Variants in ANK3 observed in about 807,000 individuals in gnomAD.
ANK3 encodes ankyrin-3.
Under a neutral mutation model 370.9 loss-of-function variants are expected in ANK3, and 57 were observed. The ratio of observed to expected loss-of-function variants is 0.15; its 90% CI spans 0.12 to 0.19. The LOEUF (loss-of-function observed/expected upper bound fraction) is 0.19, where lower values mean the gene tolerates loss of function less well. Ranked by LOEUF, ANK3 falls within the 10% of genes least tolerant of loss-of-function variation. The pLI is 1.00. For synonymous variants in ANK3, 1,929 were observed against 1,946.3 expected (o/e 0.99, Z 0.23); for missense variants, 4,439 against 5,302.1 (o/e 0.84, Z 5.06).
chr10:60,698,448 C>T (rs374630534), intron 1 of ANK3, among the ~76,000 whole-genome samples: 2 of 151,500 alleles, frequency 1.3e-5, no homozygotes, highest in African/African-American at 4.9e-5. Flanking sequence ...AAGACACATG[C>T]ACACGTATGT....
At chr10:60,231,954 G>C (rs1332592077) in intron 8 of ANK3, among the ~76,000 whole-genome samples, 1 of 152,108 alleles carries the variant, frequency 6.6e-6, no homozygotes, top group Non-Finnish European at 1.5e-5. Context: ...ACAGCCCTTC[G>C]GAACAGGGAG....
At chr10:60,425,812 C>A (rs897367545) in intron 2 of ANK3, among the ~76,000 whole-genome samples, 1 of 152,010 alleles carries the variant, frequency 6.6e-6, no homozygotes, top group Non-Finnish European at 1.5e-5. Context: ...TAGAGATAAC[C>A]AAGGGGTAAG....
At chr10:60,038,085 C>T (rs11599479) in intron 43 of ANK3, among the ~76,000 whole-genome samples, 1,664 of 151,760 alleles carry the variant, frequency 0.011, 20 homozygotes, top group Non-Finnish European at 0.018. Context: ...TGGCCACATG[C>T]CTGTCTTCTT....
intron 1 of ANK3, among the ~76,000 whole-genome samples, chr10:60,711,750 C>A (rs919236579): frequency 1.3e-5 from 2 of 151,874 alleles, no homozygotes; most frequent in African/African-American, 4.8e-5. Flanking sequence ...AGAATAGATA[C>A]CAAAAAATCT....
intron 18 of ANK3, among the ~76,000 whole-genome samples, chr10:60,175,886 T>C (rs1490013688): frequency 4.6e-5 from 7 of 152,238 alleles, no homozygotes; most frequent in Non-Finnish European, 1.0e-4. Flanking sequence ...ACCAAAGTCA[T>C]TGTGTTGTCA....
At chr10:60,137,402 G>C (rs773301785) in intron 24 of ANK3, 3 of 184,650 alleles carry the variant, frequency 1.6e-5, no homozygotes, top group East Asian at 1.4e-4. Context: ...ACAAGAAATA[G>C]AAAGCAAAAA....
intron 2 of ANK3, among the ~76,000 whole-genome samples, chr10:60,430,187 C>T (rs1050227612): frequency 3.3e-5 from 5 of 152,148 alleles, no homozygotes; most frequent in African/African-American, 1.2e-4. Flanking sequence ...GGCTCATAGG[C>T]TTGGAAGTCT....
chr10:60,048,130 T>C (rs2077250042), intron 42 of ANK3, among the ~76,000 whole-genome samples: 1 of 152,230 alleles, frequency 6.6e-6, no homozygotes. Flanking sequence ...ATGCTTAGCA[T>C]ACATACTGCT....
chr10:60,172,725 A>ATC (rs769225666), intron 20 of ANK3, among the ~76,000 whole-genome samples, 175 bp downstream of exon 20: 1 of 151,806 alleles, frequency 6.6e-6, no homozygotes, highest in South Asian at 2.1e-4. Flanking sequence ...AACACTAATC[A>ATC]TCTCTCTCTC....
intron 2 of ANK3, among the ~76,000 whole-genome samples, chr10:60,587,114 G>T (rs1377849317): frequency 6.6e-6 from 1 of 152,130 alleles, no homozygotes; most frequent in African/African-American, 2.4e-5. Flanking sequence ...TCTTCACATG[G>T]CAGCAAGAGA....
intron 2 of ANK3, among the ~76,000 whole-genome samples, chr10:60,600,617 T>C (rs1260678958): frequency 6.6e-6 from 1 of 152,188 alleles, no homozygotes; most frequent in East Asian, 1.9e-4. Context: ...GGCATCTAAT[T>C]TGTCTTTCCA....
intron 2 of ANK3, among the ~76,000 whole-genome samples, chr10:60,590,208 T>C (rs954092234): frequency 6.6e-6 from 1 of 152,194 alleles, no homozygotes. Context: ...CAGTCATATG[T>C]GGGGATTGCA....
intron 18 of ANK3, among the ~76,000 whole-genome samples, chr10:60,180,270 C>T (rs572694531): frequency 6.6e-6 from 1 of 150,830 alleles, no homozygotes; most frequent in Admixed American, 6.6e-5. Flanking sequence ...ATTTAGTAGT[C>T]ATTCTTTTTC....
At chr10:60,472,485 G>A (rs1204184659) in intron 2 of ANK3, among the ~76,000 whole-genome samples, 2 of 152,188 alleles carry the variant, frequency 1.3e-5, no homozygotes, top group Admixed American at 1.3e-4. Context: ...GATTAGAAAA[G>A]TTCTGGAAAT....
chr10:60,360,437 G>A (rs752710379), intron 1 of ANK3, among the ~76,000 whole-genome samples: 32 of 152,284 alleles, frequency 2.1e-4, no homozygotes, highest in East Asian at 1.4e-3. Flanking sequence ...GGCCTGGAGC[G>A]TTGGCTCATG....
intron 2 of ANK3, among the ~76,000 whole-genome samples, chr10:60,568,458 T>C (rs2077514202): frequency 6.6e-6 from 1 of 152,238 alleles, no homozygotes; most frequent in Non-Finnish European, 1.5e-5. Flanking sequence ...ATAACTTTTA[T>C]ATGCACTGGG....
intron 27 of ANK3, 24 bp from the exon 28 acceptor site, chr10:60,106,083 T>G (rs756283106): frequency 6.3e-7 from 1 of 1,583,268 alleles, no homozygotes; most frequent in Non-Finnish European, 8.6e-7. Context: ...CCACATTATT[T>G]TGGTATCAAA....
intron 2 of ANK3, among the ~76,000 whole-genome samples, chr10:60,514,900 A>G (rs2076178941): frequency 4.6e-5 from 7 of 152,194 alleles, no homozygotes; most frequent in Admixed American, 4.6e-4. Flanking sequence ...TTTCATATAA[A>G]ATGACAAATT....
chr10:60,588,072 G>C (rs1370218866), intron 2 of ANK3, among the ~76,000 whole-genome samples: 1 of 151,836 alleles, frequency 6.6e-6, no homozygotes, highest in Non-Finnish European at 1.5e-5. Context: ...TAGACAGCAT[G>C]TGTTTCTACA....
Sources: gnomAD v4.1 joint callset for allele counts (sites outside exome capture counted in the v4.1 genomes callset) on GRCh38, gnomAD v4.1.1 for gene constraint, MANE v1.5 for transcripts, NCBI Gene and HGNC (gene_info 2026-07-23, HGNC 2026-07-21) for gene names.